The following CNTNAP2 variants were observed in gnomAD, a reference collection of about 807,000 sequenced individuals.
CNTNAP2 encodes contactin associated protein 2.
Under a neutral mutation model 155.2 loss-of-function variants are expected in CNTNAP2, and 98 were observed. The ratio of observed to expected loss-of-function variants is 0.63; its 90% CI spans 0.54 to 0.75. The LOEUF (loss-of-function observed/expected upper bound fraction) is 0.75. CNTNAP2 is among the 30% of genes least tolerant of loss of function. The probability of loss-of-function intolerance (pLI) is 0.00; values close to 1 mark genes in which losing one functional copy is unlikely to be tolerated. For missense variants in CNTNAP2, 1,727 were observed against 1,688.1 expected, an observed-to-expected ratio of 1.02 and a Z score of -0.40; for synonymous variants, 651 against 631.2, an observed-to-expected ratio of 1.03 and a Z score of -0.47.
intron 1 of CNTNAP2, among the ~76,000 whole-genome samples, chr7:146,364,260 G>T (rs1584890402): frequency 6.6e-6 from 1 of 152,028 alleles, no homozygotes; most frequent in South Asian, 2.1e-4. Context: ...AAAAATTAAG[G>T]CAATCAGCCT....
chr7:146,600,640 G>A (rs1044417531), intron 1 of CNTNAP2, among the ~76,000 whole-genome samples: 2 of 152,040 alleles, frequency 1.3e-5, no homozygotes, highest in African/African-American at 2.4e-5. Flanking sequence ...CCAGGCATGC[G>A]TATGTATTCT....
chr7:147,064,349 C>T (rs1023694150), intron 4 of CNTNAP2, among the ~76,000 whole-genome samples: 2 of 152,142 alleles, frequency 1.3e-5, no homozygotes, highest in Admixed American at 1.3e-4. Context: ...GTAACAGGCA[C>T]ATGCTCTGTA....
Position 148,416,736 on chromosome 7 carries a change from T to TAAATC in CNTNAP2, c.*1123_*1127dup, listed in dbSNP as rs1178692146. On this transcript the variant is annotated 3_prime_UTR_variant, in exon 24 of 24. Coordinates refer to ENST00000361727, the MANE Select transcript of CNTNAP2 (RefSeq NM_014141.6). ...TGATATGGAAAACACTGCCATATTTTAAATCAACTACTCCACGTGTTTTTC... is the reference window on the plus strand; with the variant it reads ...TGATATGGAAAACACTGCCATATTTTAAATCAAATCAACTACTCCACGTGTTTTTC... The TAAATC allele has an allele frequency of 1.3e-5, 2 of 152,670 alleles. No individual in the cohort carries two copies. Among genetic ancestry groups the TAAATC allele is most frequent in the Non-Finnish European group, 2.9e-5 (2 of 68,042 alleles). 9.5% of individuals were successfully genotyped at this position (152,670 alleles called of 1,614,324 possible).
At chr7:147,028,496 G>A (rs1423337956) in intron 3 of CNTNAP2, among the ~76,000 whole-genome samples, 7 of 152,174 alleles carry the variant, frequency 4.6e-5, no homozygotes, top group South Asian at 2.1e-4. Context: ...AAGGAATACA[G>A]GGGCACCGTA....
chr7:148,034,269 C>T (rs545233111), intron 15 of CNTNAP2, among the ~76,000 whole-genome samples: 42 of 152,212 alleles, frequency 2.8e-4, no homozygotes, highest in African/African-American at 8.9e-4. Flanking sequence ...TGGAATCACC[C>T]AGTCTTACGT....
At chr7:146,706,830 C>T (rs1309131629) in intron 1 of CNTNAP2, among the ~76,000 whole-genome samples, 2 of 151,330 alleles carry the variant, frequency 1.3e-5, no homozygotes, top group African/African-American at 4.9e-5. Flanking sequence ...AGGTTTAATA[C>T]CTGGGCAATG....
At chr7:148,079,722 T>C (rs1415765032) in intron 15 of CNTNAP2, among the ~76,000 whole-genome samples, 2 of 152,194 alleles carry the variant, frequency 1.3e-5, no homozygotes, top group Non-Finnish European at 2.9e-5. Context: ...TGTCATGTAA[T>C]GCTATACTAG....
At chr7:146,767,714 A>G (rs1802221958) in intron 1 of CNTNAP2, among the ~76,000 whole-genome samples, 1 of 152,212 alleles carries the variant, frequency 6.6e-6, no homozygotes, top group African/African-American at 2.4e-5. Context: ...AAGAAGGAGC[A>G]TACATTTTTA....
At chr7:146,125,581 CAAAAAAAA>C (rs57234097) in intron 1 of CNTNAP2, among the ~76,000 whole-genome samples, 1 of 58,878 alleles carries the variant, frequency 1.7e-5, no homozygotes, top group Non-Finnish European at 3.1e-5. Context: ...ACTCCGTCTC[CAAAAAAAA>C]AAAAAAAAAA....
chr7:148,021,150 G>A (rs1415320545), intron 15 of CNTNAP2, among the ~76,000 whole-genome samples: 1 of 151,614 alleles, frequency 6.6e-6, no homozygotes, highest in African/African-American at 2.4e-5. Context: ...AGCAGTTTCA[G>A]AATCAAGGTA....
intron 1 of CNTNAP2, among the ~76,000 whole-genome samples, chr7:146,757,965 T>G (rs1025819698): frequency 6.6e-6 from 1 of 152,244 alleles, no homozygotes; most frequent in African/African-American, 2.4e-5. Context: ...TTTTCCCATC[T>G]GGAATTCATT....
chr7:147,988,925 A>G (rs558698363), intron 15 of CNTNAP2, among the ~76,000 whole-genome samples: 1 of 152,318 alleles, frequency 6.6e-6, no homozygotes, highest in East Asian at 1.9e-4. Flanking sequence ...CTGAAAACAA[A>G]TTCAACCTAA....
At chr7:147,013,148 T>C (rs968516365) in intron 3 of CNTNAP2, among the ~76,000 whole-genome samples, 1 of 152,156 alleles carries the variant, frequency 6.6e-6, no homozygotes, top group African/African-American at 2.4e-5. Context: ...TGTAGAATGA[T>C]TAAAATTAAT....
chr7:147,729,862 G>A (rs1272960503), intron 13 of CNTNAP2, among the ~76,000 whole-genome samples: 5 of 152,040 alleles, frequency 3.3e-5, no homozygotes, highest in African/African-American at 1.2e-4. Context: ...GAAAAGATGA[G>A]AGAAAAAAGA....
At chr7:147,736,402 G>A (rs1237066656) in intron 13 of CNTNAP2, among the ~76,000 whole-genome samples, 2 of 152,194 alleles carry the variant, frequency 1.3e-5, no homozygotes, top group Non-Finnish European at 2.9e-5. Context: ...CTGTTAGTCT[G>A]ATGGGCTTCC....
intron 3 of CNTNAP2, among the ~76,000 whole-genome samples, chr7:146,942,263 AGTGGGTTAG>A (rs1160115707): frequency 6.6e-6 from 1 of 152,148 alleles, no homozygotes; most frequent in Non-Finnish European, 1.5e-5. Flanking sequence ...TCAGTGAAAC[AGTGGGTTAG>A]ATGAACAAAT....
intron 8 of CNTNAP2, among the ~76,000 whole-genome samples, chr7:147,230,528 C>G (rs368753741): frequency 3.3e-5 from 5 of 152,300 alleles, no homozygotes; most frequent in African/African-American, 1.2e-4. Context: ...GGATTGCAGG[C>G]ATGAACCATG....
At chr7:146,162,828 TAAAA>T (rs1045287266) in intron 1 of CNTNAP2, among the ~76,000 whole-genome samples, 3 of 152,106 alleles carry the variant, frequency 2.0e-5, no homozygotes, top group Non-Finnish European at 4.4e-5. Context: ...TATGCAGCCA[TAAAA>T]AAGGATGAGT....
At chr7:147,577,621 C>A (rs547030441) in intron 12 of CNTNAP2, among the ~76,000 whole-genome samples, 1 of 151,944 alleles carries the variant, frequency 6.6e-6, no homozygotes, top group South Asian at 2.1e-4. Flanking sequence ...TGGCAAGCCA[C>A]TATTTCTATT....
Sources: allele counts gnomAD v4.1 joint callset (sites outside exome capture counted in the v4.1 genomes callset), GRCh38; gene constraint gnomAD v4.1.1; transcripts MANE v1.5; gene names NCBI Gene and HGNC (gene_info 2026-07-23, HGNC 2026-07-21).